ME3: variants seen among roughly 807,000 people sequenced by gnomAD.
ME3 encodes the protein NADP-dependent malic enzyme, mitochondrial.
ME3 carries 48 observed loss-of-function variants against 68.9 expected under a neutral mutation model. The ratio of observed to expected loss-of-function variants is 0.70; its 90% CI spans 0.55 to 0.89. ME3 has a LOEUF of 0.89. Among genes scored for constraint, ME3 ranks in the 40% least tolerant of loss-of-function variants. ME3 has a pLI of 0.00. For missense variants in ME3, 675 were observed against 797.4 expected, an observed-to-expected ratio of 0.85 and a Z score of 1.85; for synonymous variants, 320 against 318.8, an observed-to-expected ratio of 1.00 and a Z score of -0.04.
intron 5 of ME3, 47 bp downstream of exon 5, chr11:86,508,745 A>G (rs1369147574): frequency 4.6e-6 from 7 of 1,521,244 alleles, no homozygotes; most frequent in South Asian, 1.1e-5. Flanking sequence ...TTAGGCTGAA[A>G]TGATTCACCC....
At chr11:86,582,699 C>G (rs1335354353) in intron 2 of ME3, among the ~76,000 whole-genome samples, 1 of 152,028 alleles carries the variant, frequency 6.6e-6, no homozygotes, top group East Asian at 1.9e-4. Flanking sequence ...AATATAAAAA[C>G]TGCATACTGC....
intron 2 of ME3, among the ~76,000 whole-genome samples, chr11:86,592,191 TG>T (rs1959100973): frequency 6.6e-6 from 1 of 152,198 alleles, no homozygotes; most frequent in Non-Finnish European, 1.5e-5. Flanking sequence ...GTGACAATGA[TG>T]GCCAGGTGTG....
intron 3 of ME3, among the ~76,000 whole-genome samples, chr11:86,558,657 G>A (rs1957049307): frequency 6.6e-6 from 1 of 152,144 alleles, no homozygotes; most frequent in African/African-American, 2.4e-5. Context: ...AAGTTCTATA[G>A]TTTGTTTGTT....
At chr11:86,666,393 T>G (rs1489213633) in intron 2 of ME3, among the ~76,000 whole-genome samples, 1 of 152,246 alleles carries the variant, frequency 6.6e-6, no homozygotes, top group Non-Finnish European at 1.5e-5. Flanking sequence ...AACTCATGAT[T>G]GCTTGCCCAG....
Position 86,627,443 on chromosome 11 carries a change from G to A in ME3, c.183+44319C>T, listed in dbSNP as rs192429689. On this transcript the variant is annotated intron_variant, in intron 2 of 14. Transcript: ENST00000543262. ...TGGTTTTCAACTTTGGCTTTTCAAAGTTGGCTTTTTCAAATAGTGAAAGTC... is the reference window on the plus strand; with the variant it reads ...TGGTTTTCAACTTTGGCTTTTCAAAATTGGCTTTTTCAAATAGTGAAAGTC... 3.0e-3 allele frequency among the ~76,000 whole-genome samples: 450 copies of A among 152,258 alleles called. 2 individuals are homozygous for A. Among genetic ancestry groups the A allele is most frequent in the African/African-American group, 0.011 (440 of 41,552 alleles).
chr11:86,644,137 G>A (rs1464133520), intron 2 of ME3, among the ~76,000 whole-genome samples: 2 of 152,152 alleles, frequency 1.3e-5, no homozygotes, highest in African/African-American at 2.4e-5. Flanking sequence ...GGGTTCTGGT[G>A]AATCCCAAGA....
intron 2 of ME3, among the ~76,000 whole-genome samples, chr11:86,622,281 T>G (rs778919631): frequency 1.8e-4 from 27 of 152,060 alleles, no homozygotes; most frequent in Non-Finnish European, 2.9e-4. Flanking sequence ...TGCATGTGGG[T>G]TCTCATTTTA....
chr11:86,506,559 C>T (rs906792023), intron 5 of ME3, among the ~76,000 whole-genome samples: 1 of 152,154 alleles, frequency 6.6e-6, no homozygotes, highest in Non-Finnish European at 1.5e-5. Context: ...GGAAAGGGTG[C>T]CTTTTTGTTA....
At chr11:86,524,978 G>A (rs1245163772) in intron 4 of ME3, among the ~76,000 whole-genome samples, 2 of 152,142 alleles carry the variant, frequency 1.3e-5, no homozygotes, top group African/African-American at 4.8e-5. Context: ...AAAGTTAAAG[G>A]CCAAAAAAGT....
intron 6 of ME3, among the ~76,000 whole-genome samples, chr11:86,489,918 G>A (rs1951899626): frequency 6.6e-6 from 1 of 152,054 alleles, no homozygotes; most frequent in Admixed American, 6.5e-5. Flanking sequence ...TTTTTTAAAT[G>A]AGGCAACAAG....
intron 4 of ME3, among the ~76,000 whole-genome samples, chr11:86,526,474 C>A (rs1353758994): frequency 6.6e-6 from 1 of 152,208 alleles, no homozygotes; most frequent in Non-Finnish European, 1.5e-5. Context: ...GCAGCAGAAA[C>A]CTCTGCAGAC....
At chr11:86,601,360 G>A (rs1960623465) in intron 2 of ME3, among the ~76,000 whole-genome samples, 2 of 152,120 alleles carry the variant, frequency 1.3e-5, no homozygotes, top group Admixed American at 1.3e-4. Flanking sequence ...TAGAAGAAAT[G>A]GATAAATTCC....
chr11:86,602,990 A>C (rs1960967212), intron 2 of ME3, among the ~76,000 whole-genome samples: 1 of 152,232 alleles, frequency 6.6e-6, no homozygotes, highest in Admixed American at 6.5e-5. Flanking sequence ...CTAAAACCAT[A>C]AAAACCCTAG....
intron 4 of ME3, among the ~76,000 whole-genome samples, chr11:86,545,666 G>T (rs888965996): frequency 7.9e-5 from 12 of 152,222 alleles, no homozygotes; most frequent in African/African-American, 2.9e-4. Context: ...AATAAGAGAG[G>T]ACATAAACAA....
chr11:86,436,129 G>T (rs1948896695), downstream of ME3: 1 of 152,140 alleles, frequency 6.6e-6, no homozygotes, highest in African/African-American at 2.4e-5. Context: ...TACAAGGCAA[G>T]GGAACTCTCC....
intron 7 of ME3, among the ~76,000 whole-genome samples, chr11:86,482,557 T>C (rs1951471548): frequency 6.6e-6 from 1 of 150,846 alleles, no homozygotes; most frequent in Non-Finnish European, 1.5e-5. Flanking sequence ...TAGTATTTAT[T>C]TCCTTGTATA....
intron 2 of ME3, among the ~76,000 whole-genome samples, chr11:86,620,299 C>A (rs1392975642): frequency 2.0e-5 from 3 of 152,108 alleles, no homozygotes; most frequent in Non-Finnish European, 4.4e-5. Context: ...TGGGTGAAGT[C>A]CTTTGGGCAA....
chr11:86,556,695 T>C (rs1340615817), exon 4 of ME3: 1 of 1,613,986 alleles, frequency 6.2e-7, no homozygotes, highest in East Asian at 2.2e-5. Context: ...GTCATGAGAA[T>C]GATGTACCTT....
chr11:86,637,821 T>C (rs750648119), intron 2 of ME3, among the ~76,000 whole-genome samples: 9 of 152,084 alleles, frequency 5.9e-5, no homozygotes, highest in South Asian at 2.1e-4. Flanking sequence ...ACGGAGACCA[T>C]AGAAATGTCC....
Sources: gnomAD v4.1 joint callset for allele counts (sites outside exome capture counted in the v4.1 genomes callset) on GRCh38, gnomAD v4.1.1 for gene constraint, MANE v1.5 for transcripts, NCBI Gene and HGNC (gene_info 2026-07-23, HGNC 2026-07-21) for gene names.